The following ZNF385D variants were observed in gnomAD, a reference collection of about 807,000 sequenced individuals.
ZNF385D encodes the protein zinc finger protein 659.
ZNF385D carries 15 observed loss-of-function variants against 35.8 expected under a neutral mutation model. The ratio of observed to expected loss-of-function variants is 0.42; its 90% CI spans 0.28 to 0.64. ZNF385D has a LOEUF of 0.64. ZNF385D is among the 30% of genes least tolerant of loss of function. ZNF385D has a pLI of 0.23. For missense variants in ZNF385D, 474 were observed against 494.6 expected, an observed-to-expected ratio of 0.96 and a Z score of 0.39; for synonymous variants, 212 against 186.8, an observed-to-expected ratio of 1.13 and a Z score of -1.10.
At chr3:22,016,256 T>A (rs753452341) in intron 3 of ZNF385D, among the ~76,000 whole-genome samples, 6 of 152,042 alleles carry the variant, frequency 3.9e-5, no homozygotes, top group Non-Finnish European at 8.8e-5. Context: ...ATTTGGTGGG[T>A]AGAGGGTAGG....
chr3:22,112,298 A>C (rs1219208922), intron 3 of ZNF385D, among the ~76,000 whole-genome samples: 3 of 152,170 alleles, frequency 2.0e-5, no homozygotes, highest in African/African-American at 4.8e-5. Context: ...GAAAAATTAA[A>C]ATAATGAATA....
At chr3:21,908,286 A>G (rs657914) in intron 3 of ZNF385D, among the ~76,000 whole-genome samples, 31,298 of 151,912 alleles carry the variant, frequency 0.21, 3,294 homozygotes, top group Middle Eastern at 0.3. Context: ...AAAGAAAAAT[A>G]TAATTCCAGG....
chr3:21,665,089 G>T (rs1447304591), intron 1 of ZNF385D, 61 bp from the exon 2 acceptor site: 1 of 1,501,468 alleles, frequency 6.7e-7, no homozygotes, highest in Non-Finnish European at 8.9e-7. Context: ...AAACACCAAA[G>T]TTGCTTTTGA....
At chr3:22,021,178 T>G (rs1330765190) in intron 3 of ZNF385D, among the ~76,000 whole-genome samples, 1 of 151,760 alleles carries the variant, frequency 6.6e-6, no homozygotes, top group Non-Finnish European at 1.5e-5. Context: ...TGATAGATAC[T>G]CTAAAAGCCC....
At chr3:21,755,156 A>G (rs1267163893), upstream of ZNF385D, among the ~76,000 whole-genome samples, 2 of 152,160 alleles carry the variant, frequency 1.3e-5, no homozygotes, top group Non-Finnish European at 2.9e-5. Context: ...TGTGTCTTCC[A>G]TTGCCTCGCC....
At chr3:21,505,169 TG>T (rs113772041) in intron 4 of ZNF385D, among the ~76,000 whole-genome samples, 1 of 152,172 alleles carries the variant, frequency 6.6e-6, no homozygotes, top group Non-Finnish European at 1.5e-5. Flanking sequence ...GGATGAGGAC[TG>T]GTTTTTTTCA....
intron 3 of ZNF385D, among the ~76,000 whole-genome samples, chr3:22,119,815 C>T (rs1473257224): frequency 2.0e-5 from 3 of 151,846 alleles, no homozygotes; most frequent in East Asian, 1.9e-4. Context: ...AGTATTTATT[C>T]AGCATCTACT....
rs140603454 is a variant in ZNF385D at position 22,016,610 on chromosome 3, C to T, written c.325+152207G>A. Among the ~76,000 whole-genome samples the T allele has an allele frequency of 3.8e-3, 581 of 152,046 alleles. 8 individuals are homozygous for T. The highest frequency in any genetic ancestry group is 0.013 in the African/African-American group (555 of 41,478). On this transcript the variant is annotated intron_variant, in intron 3 of 5. Transcript: ENST00000494108. ...TCTCTGAATCACATCTTCTCATTTT[C>T]CTTCCTGCCTAGAACAAAAGTTTGT...
At position 22,163,639 on chromosome 3, in the gene ZNF385D, G is replaced by A. The variant is rs185433834; in HGVS notation, c.325+5178C>T. ...TTTACCTGTTAGGCAATCCTTAAAT[G>A]ACTGCTAAAAATTAATCCCATATGC... On this transcript the variant is annotated intron_variant, in intron 3 of 5. Coordinates refer to the ZNF385D transcript ENST00000494108. Among the ~76,000 whole-genome samples, 279 of 152,088 alleles carry A rather than the reference G, an allele frequency of 1.8e-3. 1 individual carries two copies. Among genetic ancestry groups the A allele is most frequent in the African/African-American group, 5.3e-3 (220 of 41,508 alleles).
At chr3:21,835,547 G>GTA (rs1559673690) in intron 3 of ZNF385D, among the ~76,000 whole-genome samples, 1 of 150,858 alleles carries the variant, frequency 6.6e-6, no homozygotes, top group East Asian at 1.9e-4. Context: ...AACCAAATAC[G>GTA]TATGTTCACT....
chr3:21,757,336 T>G (rs914436137), intron 3 of ZNF385D, among the ~76,000 whole-genome samples: 31 of 151,966 alleles, frequency 2.0e-4, no homozygotes, highest in Admixed American at 2.0e-4. Context: ...AGAGATAGGG[T>G]TTTGCCATGT....
intron 2 of ZNF385D, among the ~76,000 whole-genome samples, chr3:22,296,816 G>C (rs977430696): frequency 3.3e-5 from 5 of 152,152 alleles, no homozygotes; most frequent in Non-Finnish European, 7.4e-5. Context: ...CTTCTCTGGA[G>C]AGCAAAAGTG....
chr3:22,204,185 T>C (rs181075168), intron 2 of ZNF385D, among the ~76,000 whole-genome samples: 4 of 152,116 alleles, frequency 2.6e-5, no homozygotes, highest in Admixed American at 2.0e-4. Flanking sequence ...TAAGGGAAGA[T>C]AACAAGAGTT....
chr3:21,995,794 G>A (rs985643754), intron 3 of ZNF385D, among the ~76,000 whole-genome samples: 1 of 151,964 alleles, frequency 6.6e-6, no homozygotes, highest in African/African-American at 2.4e-5. Context: ...AGCCCCTACT[G>A]CTAGTTGGTA....
At chr3:22,174,985 C>T (rs1175928439) in intron 2 of ZNF385D, among the ~76,000 whole-genome samples, 1 of 151,978 alleles carries the variant, frequency 6.6e-6, no homozygotes, top group Non-Finnish European at 1.5e-5. Flanking sequence ...AAAGAAGAAT[C>T]CACCAATACT....
intron 4 of ZNF385D, among the ~76,000 whole-genome samples, chr3:21,499,643 T>C (rs568212351): frequency 2.0e-5 from 3 of 150,678 alleles, no homozygotes; most frequent in Admixed American, 2.0e-4. Flanking sequence ...GGGTTTTTAA[T>C]TTGAAAAAAA....
At chr3:21,663,978 G>C (rs1365283275) in intron 2 of ZNF385D, among the ~76,000 whole-genome samples, 2 of 137,394 alleles carry the variant, frequency 1.5e-5, no homozygotes, top group Admixed American at 7.9e-5. Flanking sequence ...GTGTTATTTA[G>C]ATCACTGGAC....
chr3:22,227,186 C>G (rs1006269054), intron 2 of ZNF385D, among the ~76,000 whole-genome samples: 5 of 150,390 alleles, frequency 3.3e-5, no homozygotes, highest in Admixed American at 1.3e-4. Flanking sequence ...GTATGTGGGG[C>G]GGGGGGGGTG....
intron 4 of ZNF385D, among the ~76,000 whole-genome samples, chr3:21,491,817 G>C (rs1327697901): frequency 2.0e-5 from 3 of 152,112 alleles, no homozygotes; most frequent in Non-Finnish European, 4.4e-5. Context: ...TAGCCAACTG[G>C]ATGACTTCTC....
Sources: gnomAD v4.1 joint callset for allele counts (sites outside exome capture counted in the v4.1 genomes callset) on GRCh38, gnomAD v4.1.1 for gene constraint, MANE v1.5 for transcripts, NCBI Gene and HGNC (gene_info 2026-07-23, HGNC 2026-07-21) for gene names.